Variants in PALLD observed in about 807,000 individuals in gnomAD.
The protein encoded by PALLD is palladin.
In PALLD, 61 loss-of-function variants were observed where a neutral mutation model predicts 123.5. The ratio of observed to expected loss-of-function variants is 0.49; its 90% CI spans 0.40 to 0.61. The LOEUF (loss-of-function observed/expected upper bound fraction) is 0.61, where lower values mean the gene tolerates loss of function less well. Among genes scored for constraint, PALLD ranks in the 20% least tolerant of loss-of-function variants. PALLD has a pLI of 0.00. For missense variants in PALLD, 1,273 were observed against 1,377.0 expected (o/e 0.92, Z 1.20); for synonymous variants, 465 against 496.4 (o/e 0.94, Z 0.84).
Position 168,915,779 on chromosome 4 carries a change from G to T in PALLD, c.2718-116G>T. The stretch of plus-strand genomic sequence containing the variant: ...TTAATGTGTAAATCTTAGCTGTAGG[G>T]ATCAGATAAGGAAATCATATTATTA... On this transcript the variant is annotated intron_variant, in intron 16 of 21. Transcript: ENST00000505667. The T allele has an allele frequency of 3.9e-6, 3 of 771,764 alleles. No individual in the cohort carries two copies. The South Asian group carries it at 4.6e-5, about 12-fold the overall frequency. The allele number at this position is 771,764 out of a possible 1,614,324, so 47.8% of individuals were successfully genotyped here.
chr4:168,552,963 A>G (rs1419542233), intron 2 of PALLD, among the ~76,000 whole-genome samples: 1 of 152,152 alleles, frequency 6.6e-6, no homozygotes, highest in Non-Finnish European at 1.5e-5. Flanking sequence ...GGCGGGTGCC[A>G]CCACGCCCAG....
chr4:168,816,413 A>ATATATATATATATATATATATATT (rs34003798), intron 10 of PALLD, among the ~76,000 whole-genome samples: 1 of 136,002 alleles, frequency 7.4e-6, no homozygotes, highest in African/African-American at 3.0e-5. Context: ...ATATATATAT[A>ATATATATATATATATATATATATT]TTTTTTTTAA....
chr4:168,808,128 A>C (rs1235228096), intron 10 of PALLD, among the ~76,000 whole-genome samples: 1 of 151,936 alleles, frequency 6.6e-6, no homozygotes, highest in Non-Finnish European at 1.5e-5. Flanking sequence ...ATGAAAATAT[A>C]AGAGGAAAAT....
rs34942776 is a variant in PALLD, at chr4:168,713,942, G to GT, written c.1964+2045dup. Reference sequence around the variant, plus strand: ...TTTACTTGTACTAGGTTTTCCCATTGTTTTTTTTTTTTTTTTTTTTTTTTT... The same window carrying GT: ...TTTACTTGTACTAGGTTTTCCCATTGTTTTTTTTTTTTTTTTTTTTTTTTTT... On this transcript the variant is annotated intron_variant, in intron 10 of 21. Coordinates refer to ENST00000505667, the MANE Select transcript of PALLD (RefSeq NM_001166108.2). Among the ~76,000 whole-genome samples, 487 of 54,722 alleles carry GT rather than the reference G, an allele frequency of 8.9e-3. 29 individuals carry two copies. Among genetic ancestry groups the GT allele is most frequent in the African/African-American group, 0.012 (164 of 14,114 alleles). 35.9% of individuals were successfully genotyped at this position (54,722 alleles called of 152,430 possible).
Position 168,874,649 on chromosome 4 carries a change from AT to A in PALLD, c.1965-16262del, listed in dbSNP as rs5863964. Among the ~76,000 whole-genome samples, 5 of 150,008 alleles carry A rather than the reference AT, an allele frequency of 3.3e-5. No homozygotes were observed. In the South Asian group the frequency reaches 6.3e-4, roughly 19 times the overall value. The stretch of plus-strand genomic sequence containing the variant: ...CCTCAGAAGGAAAATATAGCCACAG[AT>A]TTTTTTTTTTAAGTCACATTGAAGG... On this transcript the variant is annotated intron_variant, in intron 10 of 21. Coordinates refer to ENST00000505667, the MANE Select transcript of PALLD (RefSeq NM_001166108.2).
intron 10 of PALLD, among the ~76,000 whole-genome samples, chr4:168,726,018 G>A (rs887562308): frequency 6.6e-6 from 1 of 152,132 alleles, no homozygotes; most frequent in Non-Finnish European, 1.5e-5. Context: ...AAATATTCAT[G>A]TGTATTTTTA....
At chr4:168,863,750 T>G (rs1749852001) in intron 10 of PALLD, 1 of 152,226 alleles carries the variant, frequency 6.6e-6, no homozygotes, top group Non-Finnish European at 1.5e-5. Flanking sequence ...GTGATATATT[T>G]TAAAGATCAA....
intron 10 of PALLD, among the ~76,000 whole-genome samples, chr4:168,719,580 T>A (rs1785779558): frequency 6.6e-6 from 1 of 152,064 alleles, no homozygotes; most frequent in South Asian, 2.1e-4. Context: ...TTTAAAAAAG[T>A]TTTTCTTACT....
intron 2 of PALLD, among the ~76,000 whole-genome samples, chr4:168,560,113 A>C (rs1354966647): frequency 6.6e-6 from 1 of 152,220 alleles, no homozygotes; most frequent in East Asian, 1.9e-4. Context: ...TGTAATGATC[A>C]ATGCAGCAAC....
chr4:168,561,868 T>A (rs1208942179), intron 2 of PALLD, among the ~76,000 whole-genome samples: 2 of 152,062 alleles, frequency 1.3e-5, no homozygotes, highest in Non-Finnish European at 2.9e-5. Flanking sequence ...AGGAGGAATG[T>A]CCGTGGGAAA....
intron 10 of PALLD, among the ~76,000 whole-genome samples, chr4:168,884,818 T>G (rs1326599723): frequency 6.6e-6 from 1 of 152,208 alleles, no homozygotes; most frequent in African/African-American, 2.4e-5. Flanking sequence ...TCTCTGTGAC[T>G]TACTTCCATG....
At chr4:168,680,882 T>G (rs1781489082) in intron 3 of PALLD, among the ~76,000 whole-genome samples, 1 of 152,150 alleles carries the variant, frequency 6.6e-6, no homozygotes, top group Non-Finnish European at 1.5e-5. Context: ...TCAAAGGCCC[T>G]CTTATTCAAG....
chr4:168,501,589 A>G (rs776274496), intron 1 of PALLD, among the ~76,000 whole-genome samples: 2 of 152,134 alleles, frequency 1.3e-5, no homozygotes, highest in Non-Finnish European at 2.9e-5. Context: ...ATATTTGCCA[A>G]CCCTCCCAAA....
rs187674042 is a variant in PALLD at position 168,843,077 on chromosome 4, A to G, written c.1965-47845A>G. On this transcript the variant is annotated intron_variant, in intron 10 of 21. Coordinates refer to ENST00000505667, the MANE Select transcript of PALLD (RefSeq NM_001166108.2). ...CACCTGACCTAACCAGCTGTTAAGC[A>G]TAATTACTGTGGTTTTGCCAGAAAG... 2.4e-4 allele frequency among the ~76,000 whole-genome samples: 37 copies of G among 152,362 alleles called. 1 individual carries two copies. In the East Asian group the frequency reaches 6.9e-3, roughly 29 times the overall value.
chr4:168,613,275 G>C (rs1214421731), intron 2 of PALLD, among the ~76,000 whole-genome samples: 1 of 152,062 alleles, frequency 6.6e-6, no homozygotes, highest in Non-Finnish European at 1.5e-5. Context: ...CAAATGAATT[G>C]TTCACCCTAG....
chr4:168,588,901 A>G (rs1006530901), intron 2 of PALLD, among the ~76,000 whole-genome samples: 4 of 152,148 alleles, frequency 2.6e-5, no homozygotes, highest in Non-Finnish European at 5.9e-5. Context: ...ATTCTCCTCT[A>G]TGAAATACTC....
chr4:168,836,074 C>CT (rs2150891857), intron 10 of PALLD, among the ~76,000 whole-genome samples: 1 of 152,298 alleles, frequency 6.6e-6, no homozygotes, highest in South Asian at 2.1e-4. Flanking sequence ...TGGTTATGTG[C>CT]TTTAGGGTTG....
At chr4:168,525,962 A>G (rs1764003894) in intron 2 of PALLD, among the ~76,000 whole-genome samples, 1 of 152,192 alleles carries the variant, frequency 6.6e-6, no homozygotes, top group Non-Finnish European at 1.5e-5. Context: ...TATGTTGCCA[A>G]TTTTAAAATT....
At chr4:168,502,581 C>A (rs1053142533) in intron 1 of PALLD, among the ~76,000 whole-genome samples, 3 of 152,036 alleles carry the variant, frequency 2.0e-5, no homozygotes, top group African/African-American at 7.2e-5. Context: ...GTTGATAAAA[C>A]AGAAGAAAAA....
Sources: allele counts gnomAD v4.1 joint callset (sites outside exome capture counted in the v4.1 genomes callset), GRCh38; gene constraint gnomAD v4.1.1; transcripts MANE v1.5; gene names NCBI Gene and HGNC (gene_info 2026-07-23, HGNC 2026-07-21).